Variants in LARGE1 observed in about 807,000 individuals in gnomAD.
LARGE1 encodes xylosyl- and glucuronyltransferase LARGE1.
Under a neutral mutation model 87.6 loss-of-function variants are expected in LARGE1, and 43 were observed. The observed-to-expected ratio is 0.49, with a 90% CI of 0.38 to 0.63. LARGE1 has a LOEUF of 0.63. Ranked by LOEUF, LARGE1 falls within the 30% of genes least tolerant of loss-of-function variation. LARGE1 has a pLI of 0.00. For missense variants in LARGE1, 802 were observed against 1,000.2 expected (o/e 0.80, Z 2.67); for synonymous variants, 434 against 394.6 (o/e 1.10, Z -1.18).
At chr22:33,315,946 G>T in intron 11 of LARGE1, 139 bp downstream of exon 11, 1 of 999,088 alleles carries the variant, frequency 1.0e-6, no homozygotes, top group Non-Finnish European at 1.5e-6. Flanking sequence ...AATATTCTAA[G>T]CCCATGTGCC....
At chr22:33,730,568 G>A (rs1419190586) in intron 2 of LARGE1, among the ~76,000 whole-genome samples, 2 of 152,140 alleles carry the variant, frequency 1.3e-5, no homozygotes, top group African/African-American at 4.8e-5. Context: ...TGTTGTTTAA[G>A]GGTCAACTGT....
chr22:33,703,937 AGAAAAAT>A (rs2082478432), intron 2 of LARGE1, among the ~76,000 whole-genome samples: 1 of 152,270 alleles, frequency 6.6e-6, no homozygotes, highest in African/African-American at 2.4e-5. Flanking sequence ...GAAGAACATC[AGAAAAAT>A]GAATTAGAGG....
chr22:33,860,439 T>G (rs980151101), intron 1 of LARGE1, among the ~76,000 whole-genome samples: 20 of 152,186 alleles, frequency 1.3e-4, no homozygotes, highest in African/African-American at 4.8e-4. Context: ...ACTGTCTTTG[T>G]TTTCGGAATA....
chr22:33,481,244 C>T (rs1362390270), intron 6 of LARGE1, among the ~76,000 whole-genome samples: 1 of 146,460 alleles, frequency 6.8e-6, no homozygotes, highest in Non-Finnish European at 1.5e-5. Flanking sequence ...CACACACACA[C>T]GTACACACAC....
chr22:33,457,972 T>C (rs73407399), intron 6 of LARGE1, among the ~76,000 whole-genome samples: 7,452 of 152,284 alleles, frequency 0.049, 626 homozygotes, highest in African/African-American at 0.17. Flanking sequence ...TGAGCTTTGG[T>C]TTGCTCTTGT....
chr22:33,412,200 C>A (rs1446976135), intron 7 of LARGE1, among the ~76,000 whole-genome samples: 1 of 152,140 alleles, frequency 6.6e-6, no homozygotes, highest in Non-Finnish European at 1.5e-5. Flanking sequence ...AAGAGAATTG[C>A]TTGAACCCGG....
chr22:33,077,030 G>T, the LARGE1 span, among the ~76,000 whole-genome samples: 1 of 152,278 alleles, frequency 6.6e-6, no homozygotes, highest in East Asian at 1.9e-4. Flanking sequence ...CTTCTACCCA[G>T]TAAGACTATC....
the LARGE1 span, among the ~76,000 whole-genome samples, chr22:33,150,749 T>A: frequency 0.015 from 2,245 of 152,298 alleles, 36 homozygotes; most frequent in Admixed American, 0.054. Context: ...AAAAATAAAT[T>A]TGCTTTTGTA....
rs2070315370 is a variant in LARGE1, at chr22:33,499,256, T to C, written c.787+65592A>G. Among the ~76,000 whole-genome samples, 4 of 152,244 alleles carry C rather than the reference T, an allele frequency of 2.6e-5. No homozygotes were observed. The South Asian group carries it at 8.3e-4, about 32-fold the overall frequency. ...AAGGTGCCTATAGTCGGCTAGTGCTTACAGCTTCCTCCTATTTCCTACTCT... is the reference window on the plus strand; with the variant it reads ...AAGGTGCCTATAGTCGGCTAGTGCTCACAGCTTCCTCCTATTTCCTACTCT... On this transcript the variant is annotated intron_variant, in intron 6 of 14. Coordinates refer to ENST00000397394, the MANE Select transcript of LARGE1 (RefSeq NM_133642.5).
chr22:33,322,000 G>A (rs561184801), intron 10 of LARGE1, among the ~76,000 whole-genome samples: 21 of 152,246 alleles, frequency 1.4e-4, no homozygotes, highest in Admixed American at 6.5e-4. Flanking sequence ...TGTATTTTTA[G>A]TAGAGACAGA....
At chr22:33,395,090 G>C (rs552748760) in intron 7 of LARGE1, among the ~76,000 whole-genome samples, 2 of 152,018 alleles carry the variant, frequency 1.3e-5, no homozygotes, top group African/African-American at 4.8e-5. Context: ...TTAGCCGGGC[G>C]TGGTGGCGGG....
At chr22:33,084,283 G>A in the LARGE1 span, among the ~76,000 whole-genome samples, 2 of 152,050 alleles carry the variant, frequency 1.3e-5, no homozygotes, top group African/African-American at 4.8e-5. Context: ...TTTTATGATT[G>A]GCTGTTTCTG....
At chr22:33,894,942 G>C (rs1412218015) in intron 1 of LARGE1, among the ~76,000 whole-genome samples, 1 of 152,102 alleles carries the variant, frequency 6.6e-6, no homozygotes, top group African/African-American at 2.4e-5. Context: ...GGAATGCCTG[G>C]GACAGTTTAA....
intron 1 of LARGE1, among the ~76,000 whole-genome samples, chr22:33,821,578 C>T (rs890639101): frequency 2.6e-5 from 4 of 152,116 alleles, no homozygotes; most frequent in Non-Finnish European, 4.4e-5. Flanking sequence ...CACCAGCCTG[C>T]GTAAAGAGCG....
At chr22:33,444,733 T>C (rs574270132) in intron 6 of LARGE1, among the ~76,000 whole-genome samples, 85 of 152,320 alleles carry the variant, frequency 5.6e-4, no homozygotes, top group African/African-American at 1.9e-3. Context: ...GATAAGTTAT[T>C]CATCTATTCA....
chr22:33,569,841 C>T (rs968555279), intron 5 of LARGE1, among the ~76,000 whole-genome samples: 2 of 152,234 alleles, frequency 1.3e-5, no homozygotes, highest in Non-Finnish European at 2.9e-5. Flanking sequence ...TTGACTGAAA[C>T]TCCTTGAGGC....
intron 7 of LARGE1, among the ~76,000 whole-genome samples, chr22:33,411,620 C>A (rs1050162681): frequency 5.3e-5 from 8 of 152,140 alleles, no homozygotes. Flanking sequence ...ACCAGAATAG[C>A]TTAGGAGCTA....
intron 11 of LARGE1, among the ~76,000 whole-genome samples, chr22:33,239,535 C>T (rs369355951): frequency 6.3e-5 from 6 of 95,288 alleles, no homozygotes; most frequent in Non-Finnish European, 1.0e-4. Flanking sequence ...TTTTTCTTTT[C>T]TTTTTTTTTT....
intron 9 of LARGE1, among the ~76,000 whole-genome samples, chr22:33,346,772 C>T (rs1939815441): frequency 6.6e-6 from 1 of 152,158 alleles, no homozygotes. Flanking sequence ...GCAATGTCCC[C>T]TGCCCCTGTG....
Sources: allele counts gnomAD v4.1 joint callset (sites outside exome capture counted in the v4.1 genomes callset), GRCh38; gene constraint gnomAD v4.1.1; transcripts MANE v1.5; gene names NCBI Gene and HGNC (gene_info 2026-07-23, HGNC 2026-07-21).